SEZ6L2: variants seen among roughly 807,000 people sequenced by gnomAD.
SEZ6L2 encodes seizure 6-like protein 2.
SEZ6L2 carries 44 observed loss-of-function variants against 97.0 expected under a neutral mutation model. The ratio of observed to expected loss-of-function variants is 0.45; its 90% CI spans 0.36 to 0.58. The LOEUF is 0.58. Among genes scored for constraint, SEZ6L2 ranks in the 20% least tolerant of loss-of-function variants. The probability of loss-of-function intolerance (pLI) is 0.00; values close to 1 mark genes in which losing one functional copy is unlikely to be tolerated. For missense variants in SEZ6L2, 1,086 were observed against 1,233.3 expected (o/e 0.88, Z 1.79); for synonymous variants, 543 against 546.1 (o/e 0.99, Z 0.08).
rs1250410848 is a variant in SEZ6L2, at chr16:29,879,924, C to G, written c.1513G>C (p.Ala505Pro). The stretch of plus-strand genomic sequence containing the variant: ...TCTGTGGGATCCACACATTCGATGG[C>G]ATTGGGGGGCCCAGGGGGCTCCAGG... ...YALEPPGPPN[A>P]IECVDPTEPH... Residue 505 changes from alanine (A) to proline (P), a missense_variant, in exon 9 of 18, where the codon GCC becomes CCC. This residue lies in a region of SEZ6L2 where 776 missense variants were observed against 794.7 expected (regional missense o/e 0.98). Transcript: ENST00000617533. 4 of 1,613,994 alleles carry G rather than the reference C, an allele frequency of 2.5e-6. No homozygotes were observed. Among genetic ancestry groups the G allele is most frequent in the Non-Finnish European group, 3.4e-6 (4 of 1,179,930 alleles).
rs1387627835 is a variant in SEZ6L2, at chr16:29,871,436, T to C, written c.*263A>G. The C allele has an allele frequency of 1.0e-5, 6 of 573,524 alleles. No individual in the cohort carries two copies. The highest frequency in any genetic ancestry group is 1.9e-5 in the Non-Finnish European group (6 of 320,484). 35.5% of individuals were successfully genotyped at this position (573,524 alleles called of 1,614,324 possible). On this transcript the variant is annotated 3_prime_UTR_variant, in exon 18 of 18. Coordinates refer to ENST00000617533, the MANE Select transcript of SEZ6L2 (RefSeq NM_001243332.2). ...TGCAAGATTTGCAGGGAGGCAGAGTTCCCCTCCCAGAATCCAAAAGCCGGT... is the reference window on the plus strand; with the variant it reads ...TGCAAGATTTGCAGGGAGGCAGAGTCCCCCTCCCAGAATCCAAAAGCCGGT...
chr16:29,872,244 G>A lies in SEZ6L2; in HGVS notation c.2685C>T (p.His895=). The A allele has an allele frequency of 6.2e-7, 1 of 1,612,830 alleles. No homozygotes were observed. Among genetic ancestry groups the A allele is most frequent in the Non-Finnish European group, 8.5e-7 (1 of 1,179,470 alleles). The change falls in exon 17 of 18, where the codon CAC becomes CAT. Residue 895 remains histidine (H), a synonymous_variant. Coordinates refer to ENST00000617533, the MANE Select transcript of SEZ6L2 (RefSeq NM_001243332.2). ...GKSLFGFSGS[H]SYSPITVESD... ...ACTCCACGGTGATGGGGCTGTAGGAGTGGGAGCCCGAGAAGCCGAAAAGGG... is the reference window on the plus strand; with the variant it reads ...ACTCCACGGTGATGGGGCTGTAGGAATGGGAGCCCGAGAAGCCGAAAAGGG...
intron 11 of SEZ6L2, 85 bp from the exon 12 acceptor site, chr16:29,877,035 T>C: frequency 7.3e-7 from 1 of 1,362,402 alleles, no homozygotes; most frequent in South Asian, 1.4e-5. Context: ...CTGTGCCCCC[T>C]CCCGGGATCT....
In SEZ6L2 at chr16:29,873,949, G is replaced by A. The variant is rs1405472478; in HGVS notation, c.2105-220C>T. 6.6e-6 allele frequency among the ~76,000 whole-genome samples: 1 copy of A among 152,076 alleles called. No individual in the cohort carries two copies. The highest frequency in any genetic ancestry group is 1.9e-4 in the East Asian group (1 of 5,186). On this transcript the variant is annotated intron_variant, in intron 12 of 17. Transcript: ENST00000617533. This position sits in a 1 kb window ranked among gnomAD's most constrained non-coding sequence, Gnocchi z 4.3. ...TGACCACGCTACTGCACTCCAGCCT[G>A]GGTGACAGAGTGAGACCCAGTCTAA...
intron 5 of SEZ6L2, among the ~76,000 whole-genome samples, chr16:29,890,825 T>G (rs549934450): frequency 2.0e-5 from 3 of 150,456 alleles, no homozygotes; most frequent in Admixed American, 1.3e-4. Flanking sequence ...CTCAGCTCAT[T>G]GCAACTTTTA....
Position 29,887,814 on chromosome 16 carries a change from G to T in SEZ6L2, c.1043C>A (p.Ser348Tyr). The T allele has an allele frequency of 6.2e-7, 1 of 1,613,688 alleles. No individual in the cohort carries two copies. Among genetic ancestry groups the T allele is most frequent in the Non-Finnish European group, 8.5e-7 (1 of 1,179,916 alleles). ...GGCATTGTGGATGGTGCCACCACAG[G>T]ATGCTGTGGGCAGAGGAGGGGTACG... The part of the protein sequence containing the change: ...WNGETPSCMA[S>Y]CGGTIHNATL... Residue 348 changes from serine (S) to tyrosine (Y), a missense_variant, in exon 7 of 18, where the codon TCC becomes TAC. By Grantham distance (144) the Ser-to-Tyr change is moderately radical (BLOSUM62 -2). Transcript: ENST00000617533.
At chr16:29,882,349 G>A (rs2150793183) in intron 8 of SEZ6L2, among the ~76,000 whole-genome samples, 1 of 152,134 alleles carries the variant, frequency 6.6e-6, no homozygotes, top group South Asian at 2.1e-4. Flanking sequence ...GGCTGAGGCA[G>A]GTGAATCACC....
intron 7 of SEZ6L2, 116 bp downstream of exon 7, chr16:29,887,533 C>T (rs2068171430): frequency 1.5e-5 from 13 of 877,348 alleles, no homozygotes; most frequent in South Asian, 1.4e-4. Flanking sequence ...AGGATGGACT[C>T]GATCTCCTGA....
chr16:29,886,987 G>A (rs975320587), intron 7 of SEZ6L2, among the ~76,000 whole-genome samples: 2 of 152,008 alleles, frequency 1.3e-5, no homozygotes, highest in Admixed American at 1.3e-4. Flanking sequence ...TTTGAGACCA[G>A]CCTGACCAAC....
chr16:29,872,405 T>C lies in SEZ6L2; in HGVS notation c.2645+4A>G, dbSNP rs1334114335. 1 of 1,612,900 alleles carries C rather than the reference T, an allele frequency of 6.2e-7. No individual in the cohort carries two copies. The highest frequency in any genetic ancestry group is 1.1e-5 in the South Asian group (1 of 91,058). On this transcript the variant is annotated splice_donor_region_variant and intron_variant, in intron 16 of 17. Coordinates refer to ENST00000617533, the MANE Select transcript of SEZ6L2 (RefSeq NM_001243332.2). ...GGCCGGCAGTCCCCAAGCAGGCTAC[T>C]TACTTGGTGTAGTAGATGTAAACGC...
Position 29,899,404 on chromosome 16 carries a change from A to G in SEZ6L2, c.-385T>C, listed in dbSNP as rs7498372. ...AGCTAGGGGACTGGGGAGGAGAAAG[A>G]CAGCTTCTGGGGGTTTAGGGTGGGG... On this transcript the variant is annotated 5_prime_UTR_variant, in exon 1 of 18. Coordinates refer to ENST00000617533, the MANE Select transcript of SEZ6L2 (RefSeq NM_001243332.2). The G allele has an allele frequency of 0.38, 84,130 of 221,990 alleles. 17,423 individuals carry two copies. Among genetic ancestry groups the G allele is most frequent in the African/African-American group, 0.6 (24,462 of 40,518 alleles). The allele number at this position is 221,990 out of a possible 1,614,324, so 13.8% of individuals were successfully genotyped here. A position where few individuals can be genotyped will look rare whatever the true frequency, so the allele number is the denominator to read the frequency against.
chr16:29,889,285 G>A (rs1437407679), intron 5 of SEZ6L2, among the ~76,000 whole-genome samples: 5 of 151,946 alleles, frequency 3.3e-5, no homozygotes, highest in Admixed American at 1.3e-4. Context: ...TAAAAAATAC[G>A]AAAATTAGCC....
chr16:29,891,228 C>T (rs1417851368), intron 5 of SEZ6L2, among the ~76,000 whole-genome samples: 1 of 151,512 alleles, frequency 6.6e-6, no homozygotes, highest in Non-Finnish European at 1.5e-5. Flanking sequence ...GCGTGAACCA[C>T]TGTGCTGGTA....
At chr16:29,877,531 C>T (rs2067935563) in intron 10 of SEZ6L2, 64 bp from the exon 11 acceptor site, 6 of 1,435,904 alleles carry the variant, frequency 4.2e-6, no homozygotes, top group Middle Eastern at 1.8e-4. Flanking sequence ...CCAGCTCTGC[C>T]CCATCCTCAA....
At position 29,885,605 on chromosome 16, in the gene SEZ6L2, C is replaced by T; in HGVS notation, c.1353G>A (p.Leu451=). ...LLSETPANPL[L]LSLRFEAFEE... is the part of the protein sequence containing the mutation. ...ACTTACCTTCAAATCGAAGGCTTAA[C>T]AGCAGGGGATTGGCAGGTGTCTCTG... Residue 451 remains leucine, a synonymous_variant, in exon 8 of 18, where the codon CTG becomes CTA. Transcript: ENST00000617533. 1.9e-6 allele frequency: 3 copies of T among 1,613,864 alleles called. No homozygotes were observed. Among genetic ancestry groups the T allele is most frequent in the African/African-American group, 1.3e-5 (1 of 75,040 alleles).
chr16:29,888,471 C>T, intron 6 of SEZ6L2, 69 bp downstream of exon 6: 3 of 1,528,472 alleles, frequency 2.0e-6, no homozygotes, highest in Non-Finnish European at 2.7e-6. Context: ...ACCTGGACAC[C>T]CCCGAGATAG....
chr16:29,880,002 G>A lies in SEZ6L2; in HGVS notation c.1435C>T (p.Pro479Ser), dbSNP rs1414298166. Residue 479 changes from proline to serine, a missense_variant, in exon 9 of 18, where the codon CCT becomes TCT. Coordinates refer to ENST00000617533, the MANE Select transcript of SEZ6L2 (RefSeq NM_001243332.2). ...LAHGNVTTTD[P>S]EYRPGALATF... ...GCCAGTGCCCCTGGGCGATACTCAG[G>A]GTCCGTGGTAGTGACATTTCCATGT... 1.2e-6 allele frequency: 2 copies of A among 1,614,072 alleles called. No homozygotes were observed. Among genetic ancestry groups the A allele is most frequent in the African/African-American group, 2.7e-5 (2 of 74,922 alleles).
intron 8 of SEZ6L2, among the ~76,000 whole-genome samples, chr16:29,883,930 CAAT>C (rs200466367): frequency 2.0e-5 from 3 of 151,190 alleles, no homozygotes; most frequent in Admixed American, 1.3e-4. Flanking sequence ...AGACCTATTT[CAAT>C]AATAATAATA....
At position 29,885,731 on chromosome 16, in the gene SEZ6L2, C is replaced by G; in HGVS notation, c.1227G>C (p.Gly409=). 6.2e-7 allele frequency: 1 copy of G among 1,611,200 alleles called. No homozygotes were observed. Among genetic ancestry groups the G allele is most frequent in the Non-Finnish European group, 8.5e-7 (1 of 1,178,082 alleles). ...AGATCACGGGGGATAGGGGGCTGCC[C>G]CCTGAGCGCACCATCAGCCTGGGAT... The part of the protein sequence containing the change: ...EDNDRLMVRS[G]GSPLSPVIYD... Residue 409 remains glycine, a synonymous_variant, in exon 8 of 18, where the codon GGG becomes GGC. Coordinates refer to ENST00000617533, the MANE Select transcript of SEZ6L2 (RefSeq NM_001243332.2).
Sources: gnomAD v4.1 joint callset for allele counts (sites outside exome capture counted in the v4.1 genomes callset) on GRCh38, gnomAD v4.1.1 for gene constraint, gnomAD v4.1.1 regional missense constraint, Gnocchi (gnomAD v3.1) non-coding constraint, MANE v1.5 for transcripts, NCBI Gene and HGNC (gene_info 2026-07-23, HGNC 2026-07-21) for gene names.